The following NBEA variants were observed in gnomAD, a reference collection of about 807,000 sequenced individuals.
NBEA encodes lysosomal-trafficking regulator 2.
A neutral mutation model predicts 343.4 loss-of-function variants in NBEA; 44 were observed. The observed-to-expected ratio is 0.13, with a 90% CI of 0.10 to 0.16. The LOEUF is 0.16. NBEA is among the 10% of genes least tolerant of loss of function. The pLI is 1.00. For missense variants in NBEA, 2,555 were observed against 3,631.3 expected, an observed-to-expected ratio of 0.70 and a Z score of 7.62; for synonymous variants, 1,175 against 1,238.7, an observed-to-expected ratio of 0.95 and a Z score of 1.08.
chr13:35,109,379 G>A lies in NBEA; in HGVS notation c.1770G>A (p.Leu590=), dbSNP rs760443879. The change falls in exon 12 of 59, where the codon TTG becomes TTA. Residue 590 remains leucine (L), a synonymous_variant. Coordinates refer to ENST00000379939, the MANE Select transcript of NBEA (RefSeq NM_001385012.1). The part of the protein sequence containing the change: ...YLDGLSHGAP[L]LKQLCDHILF... ...ATGGTTTATCTCATGGAGCACCTTT[G>A]CTGAAGCAGCTTTGTGATCACATTT... The A allele has an allele frequency of 8.7e-6, 14 of 1,612,464 alleles. No homozygotes were observed. Among genetic ancestry groups the A allele is most frequent in the African/African-American group, 1.3e-5 (1 of 74,994 alleles).
intron 1 of NBEA, among the ~76,000 whole-genome samples, chr13:35,001,196 A>G (rs1043787384): frequency 6.6e-6 from 1 of 152,194 alleles, no homozygotes; most frequent in Non-Finnish European, 1.5e-5. Context: ...ATACAGAGAA[A>G]AGGGAACTCT....
At chr13:35,492,540 T>C (rs1282949591) in intron 41 of NBEA, among the ~76,000 whole-genome samples, 1 of 151,944 alleles carries the variant, frequency 6.6e-6, no homozygotes, top group Non-Finnish European at 1.5e-5. Context: ...GGAAATGGTA[T>C]CATTGTCTTG....
intron 33 of NBEA, among the ~76,000 whole-genome samples, chr13:35,214,973 T>C (rs1224470767): frequency 2.0e-5 from 3 of 151,700 alleles, no homozygotes; most frequent in African/African-American, 7.2e-5. Context: ...ATTGACCACC[T>C]ATGTGTAGAT....
intron 34 of NBEA, among the ~76,000 whole-genome samples, chr13:35,233,703 AACAG>A (rs369863602): frequency 1.3e-4 from 20 of 152,172 alleles, no homozygotes; most frequent in African/African-American, 4.6e-4. Context: ...TATATTAGTA[AACAG>A]ACAAAGACGC....
At chr13:35,229,102 C>T (rs2074826866) in intron 33 of NBEA, among the ~76,000 whole-genome samples, 1 of 152,122 alleles carries the variant, frequency 6.6e-6, no homozygotes, top group Admixed American at 6.6e-5. Flanking sequence ...ATGATCATAG[C>T]TCACTGCAGC....
At chr13:35,208,619 A>C in intron 31 of NBEA, 81 bp from the exon 32 acceptor site, 1 of 1,218,038 alleles carries the variant, frequency 8.2e-7, no homozygotes, top group Non-Finnish European at 1.1e-6. Context: ...TTCGATGTTG[A>C]CTATGTATAT....
intron 22 of NBEA, among the ~76,000 whole-genome samples, chr13:35,160,860 A>C (rs139031817): frequency 3.3e-5 from 5 of 152,170 alleles, no homozygotes. Context: ...TGAAGAAATA[A>C]GAATACATTT....
chr13:35,670,000 A>T (rs893568286), intron 58 of NBEA, among the ~76,000 whole-genome samples: 1 of 152,172 alleles, frequency 6.6e-6, no homozygotes, highest in Non-Finnish European at 1.5e-5. Context: ...GGGGGGAAAG[A>T]TACTAAGTTT....
At chr13:35,308,468 A>ATG (rs1566597048) in intron 35 of NBEA, among the ~76,000 whole-genome samples, 3,254 of 94,418 alleles carry the variant, frequency 0.034, 146 homozygotes, top group Non-Finnish European at 0.051. Flanking sequence ...ATATATATAT[A>ATG]TATATGTATA....
intron 35 of NBEA, among the ~76,000 whole-genome samples, chr13:35,295,046 G>A (rs2036033929): frequency 6.8e-6 from 1 of 146,084 alleles, no homozygotes; most frequent in African/African-American, 2.5e-5. Context: ...AATGACAGCT[G>A]ATGAACTAAA....
At chr13:35,504,934 G>A (rs764337319) in intron 41 of NBEA, among the ~76,000 whole-genome samples, 4 of 151,976 alleles carry the variant, frequency 2.6e-5, no homozygotes, top group Non-Finnish European at 5.9e-5. Flanking sequence ...ATGTTTAAAT[G>A]CAATGTTGCT....
chr13:35,250,477 A>G (rs1020994589), intron 34 of NBEA, among the ~76,000 whole-genome samples: 1 of 152,212 alleles, frequency 6.6e-6, no homozygotes, highest in Non-Finnish European at 1.5e-5. Flanking sequence ...TAAAGCCAAA[A>G]TGAAACAATT....
chr13:35,116,131 G>A (rs2152667375), intron 13 of NBEA, among the ~76,000 whole-genome samples: 1 of 152,234 alleles, frequency 6.6e-6, no homozygotes, highest in South Asian at 2.1e-4. Flanking sequence ...AATTTTATGA[G>A]CACCTTGTTA....
intron 38 of NBEA, among the ~76,000 whole-genome samples, chr13:35,375,768 CAAGTGA>C (rs1189871137): frequency 7.9e-5 from 12 of 152,178 alleles, no homozygotes; most frequent in African/African-American, 1.7e-4. Flanking sequence ...AGCAGAACAA[CAAGTGA>C]TCTTAAATAT....
chr13:35,208,438 C>T (rs908852136), intron 31 of NBEA, among the ~76,000 whole-genome samples: 1 of 152,016 alleles, frequency 6.6e-6, no homozygotes, highest in African/African-American at 2.4e-5. Flanking sequence ...GATCACAGTC[C>T]ATTTGCCATC....
At chr13:35,571,752 T>TC (rs397726377) in intron 45 of NBEA, among the ~76,000 whole-genome samples, 4 of 151,732 alleles carry the variant, frequency 2.6e-5, no homozygotes, top group Non-Finnish European at 5.9e-5. Flanking sequence ...TAAAATATTT[T>TC]AATTCAATAA....
At chr13:35,434,839 A>C (rs915708746) in intron 39 of NBEA, among the ~76,000 whole-genome samples, 2 of 152,188 alleles carry the variant, frequency 1.3e-5, no homozygotes, top group African/African-American at 4.8e-5. Flanking sequence ...ATCTCTTCAG[A>C]AGAAATAGGA....
chr13:35,061,862 G>A (rs1163123052), intron 8 of NBEA, among the ~76,000 whole-genome samples: 1 of 151,580 alleles, frequency 6.6e-6, no homozygotes, highest in Non-Finnish European at 1.5e-5. Context: ...AAGCAGGCAG[G>A]CTTTGGAGGG....
chr13:35,380,338 T>G (rs1841657), intron 38 of NBEA, among the ~76,000 whole-genome samples: 134,616 of 151,962 alleles, frequency 0.89, 60,102 homozygotes, highest in Non-Finnish European at 0.95. Flanking sequence ...CCAGCTACTC[T>G]GGAGGCTGAG....
Sources: gnomAD v4.1 joint callset for allele counts (sites outside exome capture counted in the v4.1 genomes callset) on GRCh38, gnomAD v4.1.1 for gene constraint, MANE v1.5 for transcripts, NCBI Gene and HGNC (gene_info 2026-07-23, HGNC 2026-07-21) for gene names.